SGIP1: variants seen among roughly 807,000 people sequenced by gnomAD.
The protein encoded by SGIP1 is SH3-containing GRB2-like protein 3-interacting protein 1.
In SGIP1, 38 loss-of-function variants were observed where a neutral mutation model predicts 107.5. That is an observed-to-expected ratio of 0.35 (90% CI 0.27 to 0.46). The LOEUF (loss-of-function observed/expected upper bound fraction) is 0.46. Ranked by LOEUF, SGIP1 falls within the 20% of genes least tolerant of loss-of-function variation. The probability of loss-of-function intolerance (pLI) is 1.00; values close to 1 mark genes in which losing one functional copy is unlikely to be tolerated. For synonymous variants in SGIP1, 365 were observed against 366.1 expected (o/e 1.00, Z 0.03); for missense variants, 929 against 1,019.5 (o/e 0.91, Z 1.21).
rs986234814 is a variant in SGIP1, at chr1:66,747,100, C to G, written c.*4005C>G. The G allele has an allele frequency of 2.0e-5, 3 of 152,018 alleles. No homozygotes were observed. The highest frequency in any genetic ancestry group is 4.4e-5 in the Non-Finnish European group (3 of 67,918). 9.4% of individuals were successfully genotyped at this position (152,018 alleles called of 1,614,324 possible). ...ATTCTACTTTACTCAGATATACCAC[C>G]TTTTGTGGCATTATAAGGAAACATG... On this transcript the variant is annotated 3_prime_UTR_variant, in exon 25 of 25. Coordinates refer to ENST00000371037, the MANE Select transcript of SGIP1 (RefSeq NM_032291.4).
In SGIP1 at chr1:66,627,856, G is replaced by C. The variant is rs185211026; in HGVS notation, c.74+1946G>C. On this transcript the variant is annotated intron_variant, in intron 2 of 24. Transcript: ENST00000371037. ...GTTGGTGTGCTGCATCCATTAACTC[G>C]TCATTAACATTAGGTATATCTCCTA... Among the ~76,000 whole-genome samples, 208 of 151,824 alleles carry C rather than the reference G, an allele frequency of 1.4e-3. 1 individual carries two copies. The highest frequency in any genetic ancestry group is 5.0e-3 in the African/African-American group (205 of 41,394).
intron 18 of SGIP1, among the ~76,000 whole-genome samples, chr1:66,699,255 C>T (rs2091501991): frequency 6.6e-6 from 1 of 152,122 alleles, no homozygotes; most frequent in Non-Finnish European, 1.5e-5. Flanking sequence ...TGTTTGGATT[C>T]TCTTAGCTCC....
chr1:66,659,992 AAGAAAGAC>A (rs759807454), intron 7 of SGIP1: 773 of 59,600 alleles, frequency 0.013, 55 homozygotes, highest in African/African-American at 0.031. Context: ...GAAAGAAAGA[AAGAAAGAC>A]AGACAGACAG....
intron 18 of SGIP1, among the ~76,000 whole-genome samples, chr1:66,717,900 G>C (rs944848185): frequency 1.3e-5 from 2 of 152,248 alleles, no homozygotes; most frequent in South Asian, 4.2e-4. Flanking sequence ...GCTGATGATC[G>C]GAATGCTGCT....
intron 7 of SGIP1, among the ~76,000 whole-genome samples, chr1:66,645,228 T>C (rs868722726): frequency 2.0e-4 from 31 of 152,158 alleles, no homozygotes; most frequent in Admixed American, 5.9e-4. Context: ...TGAAAGCAAA[T>C]GTACCGGCAC....
At chr1:66,738,450 A>G (rs896527321) in intron 21 of SGIP1, among the ~76,000 whole-genome samples, 2 of 152,248 alleles carry the variant, frequency 1.3e-5, no homozygotes, top group Non-Finnish European at 2.9e-5. Context: ...TTAGACACCT[A>G]TTCACCACCA....
rs185053500 is a variant in SGIP1, at chr1:66,712,155, T to C, written c.1631-7139T>C. ...AGATGGTGGTGCAAATTAAGGGAGA[T>C]AACACATGTGAATCATTGCACAGAA... is the stretch of plus-strand genomic sequence containing the variant. On this transcript the variant is annotated intron_variant, in intron 18 of 24. Transcript: ENST00000371037. Among the ~76,000 whole-genome samples, 237 of 152,250 alleles carry C rather than the reference T, an allele frequency of 1.6e-3. 1 individual carries two copies. The highest frequency in any genetic ancestry group is 5.6e-3 in the African/African-American group (233 of 41,556).
At chr1:66,685,466 G>T (rs1471669464) in intron 15 of SGIP1, among the ~76,000 whole-genome samples, 1 of 152,224 alleles carries the variant, frequency 6.6e-6, no homozygotes, top group Non-Finnish European at 1.5e-5. Flanking sequence ...TTGTGTGCCA[G>T]AGGCTGGAGG....
chr1:66,575,795 T>G (rs977971766), intron 1 of SGIP1, among the ~76,000 whole-genome samples: 1 of 152,230 alleles, frequency 6.6e-6, no homozygotes, highest in Non-Finnish European at 1.5e-5. Flanking sequence ...AAATAAAATG[T>G]GTGGTGTGTG....
chr1:66,656,482 G>C (rs191384248), intron 7 of SGIP1, among the ~76,000 whole-genome samples: 1 of 152,188 alleles, frequency 6.6e-6, no homozygotes, highest in South Asian at 2.1e-4. Context: ...GTTTGTTTAC[G>C]CCAGCATCAC....
chr1:66,680,727 C>A (rs1000177887), intron 14 of SGIP1, among the ~76,000 whole-genome samples: 1 of 152,178 alleles, frequency 6.6e-6, no homozygotes, highest in African/African-American at 2.4e-5. Flanking sequence ...GCGGACTATG[C>A]AAAATGCTTC....
At chr1:66,565,073 AC>A (rs778883242) in intron 1 of SGIP1, among the ~76,000 whole-genome samples, 2 of 151,556 alleles carry the variant, frequency 1.3e-5, no homozygotes, top group Non-Finnish European at 2.9e-5. Flanking sequence ...TAAAACCAGG[AC>A]CCCCTGACTC....
intron 7 of SGIP1, among the ~76,000 whole-genome samples, chr1:66,651,329 A>T (rs1181793506): frequency 6.6e-6 from 1 of 152,172 alleles, no homozygotes; most frequent in African/African-American, 2.4e-5. Context: ...CCCACTTTAC[A>T]GATGAGAAAG....
chr1:66,694,322 C>T, intron 17 of SGIP1: 1 of 811,672 alleles, frequency 1.2e-6, no homozygotes. Flanking sequence ...AGTTTTGTTT[C>T]CTTTTTCCAC....
At chr1:66,618,363 A>G (rs1342497074) in intron 1 of SGIP1, among the ~76,000 whole-genome samples, 1 of 152,228 alleles carries the variant, frequency 6.6e-6, no homozygotes, top group Non-Finnish European at 1.5e-5. Flanking sequence ...CTGGCCACCA[A>G]TGGAATGTAG....
intron 7 of SGIP1, among the ~76,000 whole-genome samples, chr1:66,649,301 A>C (rs2149553814): frequency 6.6e-6 from 1 of 152,340 alleles, no homozygotes; most frequent in Non-Finnish European, 1.5e-5. Context: ...ACACAAACAG[A>C]AACTTTGTAC....
chr1:66,577,076 ACTAC>A (rs1209730265), intron 1 of SGIP1, among the ~76,000 whole-genome samples: 1 of 152,168 alleles, frequency 6.6e-6, no homozygotes, highest in Non-Finnish European at 1.5e-5. Context: ...GTCTTGAATA[ACTAC>A]CTGCCTGTTA....
At chr1:66,640,747 TAGC>T (rs1366338913) in intron 5 of SGIP1, among the ~76,000 whole-genome samples, 1 of 148,278 alleles carries the variant, frequency 6.7e-6, no homozygotes, top group Non-Finnish European at 1.5e-5. Flanking sequence ...GACGGGTTTT[TAGC>T]AGGTAAGTTA....
chr1:66,639,782 A>G lies in SGIP1; in HGVS notation c.177A>G (p.Lys59=). 1 of 1,611,072 alleles carries G rather than the reference A, an allele frequency of 6.2e-7. No individual in the cohort carries two copies. The highest frequency in any genetic ancestry group is 8.5e-7 in the Non-Finnish European group (1 of 1,178,146). ...CATTTTCAAATTTATTACAGAAGAA[A>G]AGCAATGGGGCACCAAATGGATTTT... ...AREGGKKVSK[K]SNGAPNGFYA... is the part of the protein sequence containing the mutation. The change falls in exon 5 of 25, where the codon AAA becomes AAG. Residue 59 remains lysine, a synonymous_variant. Transcript: ENST00000371037.
Sources: allele counts gnomAD v4.1 joint callset (sites outside exome capture counted in the v4.1 genomes callset), GRCh38; gene constraint gnomAD v4.1.1; transcripts MANE v1.5; gene names NCBI Gene and HGNC (gene_info 2026-07-23, HGNC 2026-07-21).